PXDNL: variants seen among roughly 807,000 people sequenced by gnomAD.
PXDNL encodes the protein probable oxidoreductase PXDNL.
A neutral mutation model predicts 150.8 loss-of-function variants in PXDNL; 145 were observed. That is an observed-to-expected ratio of 0.96 (90% CI 0.84 to 1.10). PXDNL has a LOEUF of 1.10. Among genes scored for constraint, PXDNL ranks in the 50% least tolerant of loss-of-function variants. The pLI, the probability that PXDNL is intolerant of heterozygous loss-of-function variation, is 0.00. For missense variants in PXDNL, 2,087 were observed against 1,873.9 expected (o/e 1.11, Z -2.10); for synonymous variants, 757 against 725.7 (o/e 1.04, Z -0.69).
intron 4 of PXDNL, among the ~76,000 whole-genome samples, chr8:51,523,660 A>G (rs1811706563): frequency 6.6e-6 from 1 of 152,166 alleles, no homozygotes; most frequent in South Asian, 2.1e-4. Flanking sequence ...CATCCCAGGA[A>G]CCCAGTATTA....
At chr8:51,410,100 G>T (rs1808584293) in intron 16 of PXDNL, among the ~76,000 whole-genome samples, 1 of 152,192 alleles carries the variant, frequency 6.6e-6, no homozygotes, top group African/African-American at 2.4e-5. Flanking sequence ...AGAGAACAAG[G>T]TCAAAGAAAT....
chr8:51,397,047 A>G (rs536226865), intron 17 of PXDNL, among the ~76,000 whole-genome samples: 1 of 152,338 alleles, frequency 6.6e-6, no homozygotes, highest in Admixed American at 6.5e-5. Context: ...ATGAACCCAT[A>G]TATACATTAG....
chr8:51,627,323 A>G (rs953300516), intron 2 of PXDNL, among the ~76,000 whole-genome samples: 1 of 152,188 alleles, frequency 6.6e-6, no homozygotes, highest in South Asian at 2.1e-4. Flanking sequence ...AACAGGTGAG[A>G]TTTAATAGGA....
At chr8:51,505,453 G>C (rs1027508690) in intron 4 of PXDNL, among the ~76,000 whole-genome samples, 6 of 152,162 alleles carry the variant, frequency 3.9e-5, no homozygotes, top group Non-Finnish European at 7.3e-5. Context: ...GAGATGGGGA[G>C]AAAAACACTA....
At chr8:51,704,139 T>C (rs1816314368) in intron 1 of PXDNL, among the ~76,000 whole-genome samples, 1 of 152,214 alleles carries the variant, frequency 6.6e-6, no homozygotes, top group Non-Finnish European at 1.5e-5. Flanking sequence ...ACTTTTCTCT[T>C]TGTCCCTTCC....
rs1000228013 is a variant in PXDNL, at chr8:51,579,835, C to A, written c.308+12792G>T. The stretch of plus-strand genomic sequence containing the variant: ...ATATTACGCAAAAACCAGGATGACT[C>A]TCCAGAGAATGATGCTGATGAAAAA... On this transcript the variant is annotated intron_variant, in intron 3 of 22. Coordinates refer to ENST00000356297, the MANE Select transcript of PXDNL (RefSeq NM_144651.5). 2.0e-5 allele frequency among the ~76,000 whole-genome samples: 3 copies of A among 151,970 alleles called. No individual in the cohort carries two copies. In the East Asian group the frequency reaches 5.8e-4, roughly 29 times the overall value.
intron 19 of PXDNL, among the ~76,000 whole-genome samples, chr8:51,351,519 C>G (rs1806350999): frequency 6.6e-6 from 1 of 152,218 alleles, no homozygotes; most frequent in South Asian, 2.1e-4. Context: ...GGAACCAGCC[C>G]TGCCAGCACT....
At chr8:51,796,518 A>G (rs1278511612) in intron 1 of PXDNL, among the ~76,000 whole-genome samples, 3 of 152,198 alleles carry the variant, frequency 2.0e-5, no homozygotes, top group African/African-American at 4.8e-5. Flanking sequence ...CAGAAATACA[A>G]ACAACCATCA....
intron 4 of PXDNL, among the ~76,000 whole-genome samples, chr8:51,523,337 T>C (rs1811700568): frequency 1.3e-5 from 2 of 152,300 alleles, no homozygotes; most frequent in South Asian, 4.1e-4. Flanking sequence ...GTAAACTACA[T>C]TTGGAAAATA....
intron 17 of PXDNL, among the ~76,000 whole-genome samples, chr8:51,396,293 C>T (rs1808079019): frequency 6.6e-6 from 1 of 152,214 alleles, no homozygotes; most frequent in Non-Finnish European, 1.5e-5. Flanking sequence ...CCTCTGGCTG[C>T]AGGAACCATA....
intron 1 of PXDNL, among the ~76,000 whole-genome samples, chr8:51,694,680 G>A (rs1816078149): frequency 6.6e-6 from 1 of 152,152 alleles, no homozygotes; most frequent in Non-Finnish European, 1.5e-5. Context: ...CAAGCTGTGT[G>A]ATCTCAAACA....
At chr8:51,539,181 C>G (rs1188643861) in intron 4 of PXDNL, among the ~76,000 whole-genome samples, 8 of 152,042 alleles carry the variant, frequency 5.3e-5, no homozygotes, top group Non-Finnish European at 1.2e-4. Flanking sequence ...CATGAATGGA[C>G]ATTAAATTTT....
chr8:51,548,989 T>A (rs1020618130), intron 4 of PXDNL, among the ~76,000 whole-genome samples: 1 of 152,114 alleles, frequency 6.6e-6, no homozygotes, highest in Non-Finnish European at 1.5e-5. Flanking sequence ...GGAAAAGGGA[T>A]TTCATGCAAA....
In PXDNL at chr8:51,592,685, T is replaced by G. The variant is rs1813470187; in HGVS notation, c.250A>C (p.Asn84His). 4.5e-6 allele frequency: 7 copies of G among 1,547,870 alleles called. No individual in the cohort carries two copies. Among genetic ancestry groups the G allele is most frequent in the Non-Finnish European group, 6.1e-6 (7 of 1,146,136 alleles). ...KNLNTLLLNN[N>H]HIRKISRNAF... The stretch of plus-strand genomic sequence containing the variant: ...TTTCTGGAAATCTTTCTGATGTGGT[T>G]GTTGTTCAGCAGACTGAAAAAGCAA... Residue 84 changes from asparagine (N) to histidine (H), a missense_variant, in exon 3 of 23, where the codon AAC (asparagine) becomes CAC (histidine). Coordinates refer to ENST00000356297, the MANE Select transcript of PXDNL (RefSeq NM_144651.5).
chr8:51,649,128 G>A (rs1306112286), intron 2 of PXDNL, among the ~76,000 whole-genome samples: 1 of 152,124 alleles, frequency 6.6e-6, no homozygotes, highest in Non-Finnish European at 1.5e-5. Context: ...AAATTTCCGT[G>A]TCAAACAACA....
intron 1 of PXDNL, among the ~76,000 whole-genome samples, chr8:51,714,824 C>G (rs1816575837): frequency 6.6e-6 from 1 of 152,190 alleles, no homozygotes; most frequent in South Asian, 2.1e-4. Context: ...TTTTCCTACT[C>G]AACTTACAAA....
intron 2 of PXDNL, among the ~76,000 whole-genome samples, chr8:51,615,375 T>G (rs1814110018): frequency 6.6e-6 from 1 of 152,120 alleles, no homozygotes; most frequent in African/African-American, 2.4e-5. Context: ...ATGTAAATGG[T>G]TTTTGCCCAG....
At position 51,665,549 on chromosome 8, in the gene PXDNL, A is replaced by T. The variant is rs566655039; in HGVS notation, c.165-10789T>A. Among the ~76,000 whole-genome samples, 4 of 152,338 alleles carry T rather than the reference A, an allele frequency of 2.6e-5. No homozygotes were observed. In the South Asian group the frequency reaches 6.2e-4, roughly 24 times the overall value. ...GCTCTTGAAGAGCAGGGAAATGTCT[A>T]ACTATCTTCCTTATATGCAAAATAA... On this transcript the variant is annotated intron_variant, in intron 1 of 22. Transcript: ENST00000356297.
intron 4 of PXDNL, among the ~76,000 whole-genome samples, chr8:51,501,666 T>G (rs1401453375): frequency 6.6e-6 from 1 of 152,080 alleles, no homozygotes; most frequent in Non-Finnish European, 1.5e-5. Context: ...TTTCACGCAC[T>G]GACACATGTA....
Sources: allele counts gnomAD v4.1 joint callset (sites outside exome capture counted in the v4.1 genomes callset), GRCh38; gene constraint gnomAD v4.1.1; transcripts MANE v1.5; gene names NCBI Gene and HGNC (gene_info 2026-07-23, HGNC 2026-07-21).